LCP1: variants seen among roughly 807,000 people sequenced by gnomAD.
The protein encoded by LCP1 is lymphocyte cytosolic protein 1, also known as plastin-2.
Under a neutral mutation model 72.0 loss-of-function variants are expected in LCP1, and 23 were observed. That is an observed-to-expected ratio of 0.32 (90% CI 0.23 to 0.45). The LOEUF is 0.45. Ranked by LOEUF, LCP1 falls within the 20% of genes least tolerant of loss-of-function variation. The pLI is 1.00. For synonymous variants in LCP1, 245 were observed against 275.4 expected (o/e 0.89, Z 1.09); for missense variants, 571 against 748.3 (o/e 0.76, Z 2.76).
chr13:46,143,503 T>G, intron 11 of LCP1, 99 bp from the exon 12 acceptor site: 1 of 755,314 alleles, frequency 1.3e-6, no homozygotes, highest in Non-Finnish European at 2.3e-6. Context: ...CAAAGAATAT[T>G]CACAACAACC....
chr13:46,143,217 T>C (rs2045708698), intron 12 of LCP1, 73 bp downstream of exon 12: 1 of 982,458 alleles, frequency 1.0e-6, no homozygotes, highest in African/African-American at 1.6e-5. Context: ...GGCTGCCTTA[T>C]AAAGTATTTA....
At chr13:46,130,587 TG>T (rs1422731244) in intron 15 of LCP1, among the ~76,000 whole-genome samples, 7 of 123,682 alleles carry the variant, frequency 5.7e-5, no homozygotes, top group African/African-American at 8.6e-5. Flanking sequence ...ATTATTGGGT[TG>T]TTTTTTTTTT....
chr13:46,163,649 A>AC (rs1566444211), intron 1 of LCP1, among the ~76,000 whole-genome samples: 1 of 151,666 alleles, frequency 6.6e-6, no homozygotes, highest in East Asian at 1.9e-4. Context: ...AAAAAAAAAA[A>AC]AAACAATGAG....
intron 10 of LCP1, among the ~76,000 whole-genome samples, chr13:46,145,581 A>C (rs1309348633): frequency 1.3e-5 from 2 of 152,138 alleles, no homozygotes; most frequent in Non-Finnish European, 2.9e-5. Flanking sequence ...ACTAAAGAAA[A>C]AAAAATGGTA....
chr13:46,180,646 G>A (rs2045951808), intron 1 of LCP1, among the ~76,000 whole-genome samples: 1 of 152,192 alleles, frequency 6.6e-6, no homozygotes, highest in Admixed American at 6.5e-5. Flanking sequence ...AGAATGAAGA[G>A]GAATATCTTT....
chr13:46,156,947 C>A (rs1001143190), intron 4 of LCP1, among the ~76,000 whole-genome samples: 19 of 151,160 alleles, frequency 1.3e-4, no homozygotes, highest in African/African-American at 4.6e-4. Flanking sequence ...CAGCCTCCCC[C>A]GTAGCTGGGA....
At position 46,147,180 on chromosome 13, in the gene LCP1, A is replaced by T. The variant is rs938777330; in HGVS notation, c.979-77T>A. The T allele has an allele frequency of 6.5e-6, 8 of 1,239,670 alleles. No individual in the cohort carries two copies. The African/African-American group carries it at 1.1e-4, about 17-fold the overall frequency. 76.8% of individuals were successfully genotyped at this position (1,239,670 alleles called of 1,614,324 possible). A position where few individuals can be genotyped will look rare whatever the true frequency, so the allele number is the denominator to read the frequency against. On this transcript the variant is annotated intron_variant, in intron 9 of 15. Coordinates refer to ENST00000323076, the MANE Select transcript of LCP1 (RefSeq NM_002298.5). The stretch of plus-strand genomic sequence containing the variant: ...AGCAGATTGCATAATGTGAAAAGAA[A>T]TGGGAATCTCACTGAAATCATTAGT...
At chr13:46,166,377 A>G (rs1013993171) in intron 1 of LCP1, among the ~76,000 whole-genome samples, 7 of 152,180 alleles carry the variant, frequency 4.6e-5, no homozygotes, top group African/African-American at 1.7e-4. Context: ...GATTCAATAT[A>G]CTGATGCTGA....
chr13:46,139,592 G>A (rs2045685570), intron 13 of LCP1, among the ~76,000 whole-genome samples: 1 of 152,200 alleles, frequency 6.6e-6, no homozygotes, highest in Non-Finnish European at 1.5e-5. Flanking sequence ...AGGATCTAAT[G>A]AGGGGATGTA....
At chr13:46,159,078 G>T in intron 2 of LCP1, 89 bp from the exon 3 acceptor site, 1 of 1,169,152 alleles carries the variant, frequency 8.6e-7, no homozygotes, top group Non-Finnish European at 1.3e-6. Flanking sequence ...AAGGTGAAGG[G>T]ACGAGAGAGG....
chr13:46,178,722 G>A (rs2045943083), intron 1 of LCP1, among the ~76,000 whole-genome samples: 1 of 152,036 alleles, frequency 6.6e-6, no homozygotes, highest in Admixed American at 6.6e-5. Context: ...TCTGTAAGTT[G>A]GGAAACTAGC....
intron 13 of LCP1, among the ~76,000 whole-genome samples, chr13:46,137,566 A>G (rs1264041626): frequency 6.6e-6 from 1 of 152,236 alleles, no homozygotes; most frequent in African/African-American, 2.4e-5. Context: ...TAGAGCCTCC[A>G]TTCTAGATAG....
At position 46,161,017 on chromosome 13, in the gene LCP1, G is replaced by A. The variant is rs77302082; in HGVS notation, c.-24-1331C>T. ...ACAGTCTTAATTAACATCAAAACCT[G>A]TAGGCCAAAAATGCATTACACTCAA... On this transcript the variant is annotated intron_variant, in intron 1 of 15. Transcript: ENST00000323076. Among the ~76,000 whole-genome samples, 809 of 152,236 alleles carry A rather than the reference G, an allele frequency of 5.3e-3. 4 individuals carry two copies. Among genetic ancestry groups the A allele is most frequent in the African/African-American group, 0.019 (780 of 41,536 alleles).
chr13:46,178,079 C>A (rs1027125915), intron 1 of LCP1, among the ~76,000 whole-genome samples: 1 of 152,042 alleles, frequency 6.6e-6, no homozygotes, highest in Non-Finnish European at 1.5e-5. Flanking sequence ...CAAAATTGAT[C>A]CAATTGTAGA....
chr13:46,139,315 A>G (rs2045683852), intron 13 of LCP1, among the ~76,000 whole-genome samples: 3 of 152,240 alleles, frequency 2.0e-5, no homozygotes, highest in Non-Finnish European at 2.9e-5. Flanking sequence ...ATGGAGCTCT[A>G]TACTTAGTAA....
chr13:46,127,083 T>C lies in LCP1; in HGVS notation c.*508A>G, dbSNP rs2045603481. On this transcript the variant is annotated 3_prime_UTR_variant, in exon 16 of 16. Transcript: ENST00000323076. ...CCCGGAAGGCATGGTTCCAAAAGTG[T>C]GAGGAGCAAAGTCAAGGGAGGCAGG... The C allele has an allele frequency of 4.3e-6, 1 of 231,246 alleles. No homozygotes were observed. Among genetic ancestry groups the C allele is most frequent in the South Asian group, 1.8e-4 (1 of 5,508 alleles). The allele number at this position is 231,246 out of a possible 1,614,324, so 14.3% of individuals were successfully genotyped here.
chr13:46,142,545 A>C, intron 12 of LCP1, 120 bp from the exon 13 acceptor site: 1 of 1,073,436 alleles, frequency 9.3e-7, no homozygotes, highest in Non-Finnish European at 1.3e-6. Flanking sequence ...ATGACCTCTC[A>C]AGTCTCAACT....
At chr13:46,141,627 T>C (rs924157932) in intron 13 of LCP1, among the ~76,000 whole-genome samples, 1 of 152,036 alleles carries the variant, frequency 6.6e-6, no homozygotes, top group African/African-American at 2.4e-5. Flanking sequence ...CTTAGAATTC[T>C]GCACTCAGAG....
Position 46,142,360 on chromosome 13 carries a change from G to T in LCP1, c.1434C>A (p.Ile478=), listed in dbSNP as rs1271975426. The change falls in exon 13 of 16, where the codon ATC becomes ATA. Residue 478 remains isoleucine, a synonymous_variant. Transcript: ENST00000323076. ...TTCCTTCATTGAGATCTTGTCCACC[G>T]ATGCCAACCAGGGAGAACTTCGCTT... ...KNQAKFSLVG[I]GGQDLNEGNR... is the part of the protein sequence containing the mutation. 2.5e-6 allele frequency: 4 copies of T among 1,613,808 alleles called. No individual in the cohort carries two copies. The African/African-American group carries it at 5.3e-5, about 22-fold the overall frequency.
Sources: gnomAD v4.1 joint callset for allele counts (sites outside exome capture counted in the v4.1 genomes callset) on GRCh38, gnomAD v4.1.1 for gene constraint, MANE v1.5 for transcripts, NCBI Gene and HGNC (gene_info 2026-07-23, HGNC 2026-07-21) for gene names.